The following NFS1 variants were observed in gnomAD, a reference collection of about 807,000 sequenced individuals.
The protein encoded by NFS1 is NFS1 cysteine desulfurase.
In NFS1, 26 loss-of-function variants were observed where a neutral mutation model predicts 57.3. That is an observed-to-expected ratio of 0.45 (90% CI 0.33 to 0.63). The LOEUF (loss-of-function observed/expected upper bound fraction) is 0.63, where lower values mean the gene tolerates loss of function less well. NFS1 is among the 20% of genes least tolerant of loss of function. The probability of loss-of-function intolerance (pLI) is 0.02; values close to 1 mark genes in which losing one functional copy is unlikely to be tolerated. For missense variants in NFS1, 505 were observed against 605.8 expected (o/e 0.83, Z 1.75); for synonymous variants, 209 against 216.3 (o/e 0.97, Z 0.30).
chr20:35,692,527 TAAAAAAAAAAAAAA>T (rs61052129), intron 4 of NFS1, among the ~76,000 whole-genome samples: 93 of 42,736 alleles, frequency 2.2e-3, no homozygotes, highest in African/African-American at 6.2e-3. Flanking sequence ...TCATCTATAC[TAAAAAAAAAAAAAA>T]AAAAAAAAAA....
chr20:35,669,817 C>A (rs924566111), intron 12 of NFS1, 132 bp from the exon 13 acceptor site: 18 of 776,178 alleles, frequency 2.3e-5, no homozygotes, highest in Middle Eastern at 3.5e-4. Context: ...CTGGTAGACC[C>A]TAACACAGGT....
rs1273951146 is a variant in NFS1, at chr20:35,669,662, T to G, written c.1334A>C (p.Asp445Ala). The G allele has an allele frequency of 6.2e-7, 1 of 1,614,134 alleles. No individual in the cohort carries two copies. Among genetic ancestry groups the G allele is most frequent in the Non-Finnish European group, 8.5e-7 (1 of 1,180,016 alleles). ...EMSPLWEMVQ[D>A]GIDLKSIKWT... The stretch of plus-strand genomic sequence containing the variant: ...CTTGATGCTCTTGAGGTCAATGCCA[T>G]CCTGAACCATCTCCCAGAGAGGGCT... Residue 445 changes from aspartate (D) to alanine (A), a missense_variant, in exon 13 of 13, where the codon GAT becomes GCT. Transcript: ENST00000374092.
At position 35,681,701 on chromosome 20, in the gene NFS1, GA is replaced by G. The variant is rs957069910; in HGVS notation, c.655+186del. On this transcript the variant is annotated intron_variant, in intron 6 of 12. Coordinates refer to ENST00000374092, the MANE Select transcript of NFS1 (RefSeq NM_021100.5). Reference sequence around the variant, plus strand: ...TGACAGAGTGATACTCTGTCTCAATGAAAAAAAAAATGGTAATAGACCTGGA... The same window carrying G: ...TGACAGAGTGATACTCTGTCTCAATGAAAAAAAAATGGTAATAGACCTGGA... 4.7e-5 allele frequency among the ~76,000 whole-genome samples: 7 copies of G among 148,116 alleles called. No individual in the cohort carries two copies. In the East Asian group the frequency reaches 9.8e-4, roughly 21 times the overall value.
At chr20:35,690,684 T>C in intron 4 of NFS1, 119 bp from the exon 5 acceptor site, 2 of 942,880 alleles carry the variant, frequency 2.1e-6, no homozygotes, top group South Asian at 1.5e-5. Context: ...AGTTCTCTCA[T>C]ACCAACTGAG....
At chr20:35,689,824 G>C (rs942021876) in intron 5 of NFS1, among the ~76,000 whole-genome samples, 1 of 149,384 alleles carries the variant, frequency 6.7e-6, no homozygotes, top group African/African-American at 2.5e-5. Context: ...TGTAGTCCCA[G>C]CTACTCAGGA....
chr20:35,671,135 G>C (rs1374818262), intron 12 of NFS1, among the ~76,000 whole-genome samples: 1 of 152,148 alleles, frequency 6.6e-6, no homozygotes, highest in East Asian at 1.9e-4. Context: ...ACAGAGTCTT[G>C]CTCTGTCGCC....
rs185098949 is a variant in NFS1 at position 35,687,681 on chromosome 20, C to T, written c.561+2732G>A. ...TTGTGTCTTTATTTCTACGCTCTCT[C>T]GTCTCTGCACATGGGGAGAAAACCC... On this transcript the variant is annotated intron_variant, in intron 5 of 12. Transcript: ENST00000374092. Among the ~76,000 whole-genome samples the T allele has an allele frequency of 4.6e-5, 7 of 152,310 alleles. No individual in the cohort carries two copies. In the East Asian group the frequency reaches 9.6e-4, roughly 21 times the overall value.
chr20:35,680,196 T>G (rs1274676240), intron 7 of NFS1, among the ~76,000 whole-genome samples: 2 of 151,970 alleles, frequency 1.3e-5, no homozygotes, highest in Non-Finnish European at 2.9e-5. Flanking sequence ...TCCCAGCTAC[T>G]CGGCAGGCTG....
rs376502443 is a variant in NFS1 at position 35,686,123 on chromosome 20, G to C, written c.562-4142C>G. ...TTTTGTATTTTTTAGTAGAGACGGGGTTTCACCATGTTGGCCAGGCTGGTC... is the reference window on the plus strand; with the variant it reads ...TTTTGTATTTTTTAGTAGAGACGGGCTTTCACCATGTTGGCCAGGCTGGTC... On this transcript the variant is annotated intron_variant, in intron 5 of 12. Coordinates refer to ENST00000374092, the MANE Select transcript of NFS1 (RefSeq NM_021100.5). Among the ~76,000 whole-genome samples the C allele has an allele frequency of 8.6e-5, 13 of 151,208 alleles. No homozygotes were observed. In the East Asian group the frequency reaches 2.4e-3, roughly 28 times the overall value.
intron 5 of NFS1, among the ~76,000 whole-genome samples, chr20:35,688,728 GGAGA>G (rs1184678300): frequency 9.3e-5 from 14 of 149,928 alleles, no homozygotes; most frequent in Admixed American, 5.3e-4. Flanking sequence ...AAAGACAGAG[GGAGA>G]GAGAGAGAGA....
At chr20:35,696,289 G>A (rs569359640) in intron 4 of NFS1, 88 bp downstream of exon 4, 42 of 886,998 alleles carry the variant, frequency 4.7e-5, no homozygotes, top group Middle Eastern at 4.3e-4. Context: ...GGATGGCTGC[G>A]AAATACATAT....
intron 7 of NFS1, chr20:35,675,960 CAA>C (rs1568957145): frequency 1.3e-5 from 2 of 150,402 alleles, no homozygotes; most frequent in African/African-American, 4.9e-5. Context: ...TGGTGAAATC[CAA>C]AAAAAAGTCT....
At position 35,680,634 on chromosome 20, in the gene NFS1, A is replaced by G. The variant is rs1372586492; in HGVS notation, c.790+103T>C. The G allele has an allele frequency of 7.6e-6, 8 of 1,052,652 alleles. No homozygotes were observed. The East Asian group carries it at 2.3e-4, about 31-fold the overall frequency. 65.2% of individuals were successfully genotyped at this position (1,052,652 alleles called of 1,614,324 possible). A position where few individuals can be genotyped will look rare whatever the true frequency, so the allele number is the denominator to read the frequency against. On this transcript the variant is annotated intron_variant, in intron 7 of 12. Transcript: ENST00000374092. ...TTCTACAAGGGACTCTGAATGTACAACTTCCTCTGAGAGCAACAGTAGTCC... is the reference window on the plus strand; with the variant it reads ...TTCTACAAGGGACTCTGAATGTACAGCTTCCTCTGAGAGCAACAGTAGTCC...
chr20:35,673,833 T>G, intron 10 of NFS1, 149 bp from the exon 11 acceptor site: 1 of 593,684 alleles, frequency 1.7e-6, no homozygotes, highest in Non-Finnish European at 3.0e-6. Context: ...CTAAAGGACC[T>G]GATGCTCCCC....
intron 5 of NFS1, 47 bp downstream of exon 5, chr20:35,690,366 A>G: frequency 6.3e-7 from 1 of 1,590,140 alleles, no homozygotes; most frequent in Non-Finnish European, 8.6e-7. Flanking sequence ...TACAAGCTGA[A>G]GCCAGGCTCC....
chr20:35,683,476 C>T (rs376666997), intron 5 of NFS1, among the ~76,000 whole-genome samples: 6 of 145,000 alleles, frequency 4.1e-5, no homozygotes, highest in East Asian at 4.2e-4. Flanking sequence ...AGTGAGACTC[C>T]GTCTCAAAAA....
intron 4 of NFS1, among the ~76,000 whole-genome samples, chr20:35,694,232 C>A (rs2035092469): frequency 6.6e-6 from 1 of 151,664 alleles, no homozygotes; most frequent in African/African-American, 2.4e-5. Flanking sequence ...GCAACCTCTG[C>A]CTCCTGGGTT....
chr20:35,690,624 C>T, intron 4 of NFS1, 59 bp from the exon 5 acceptor site: 1 of 1,571,856 alleles, frequency 6.4e-7, no homozygotes, highest in African/African-American at 1.4e-5. Context: ...GCAATGACTT[C>T]AATCTCATTT....
chr20:35,687,899 AC>A, intron 5 of NFS1, among the ~76,000 whole-genome samples: 1 of 152,274 alleles, frequency 6.6e-6, no homozygotes, highest in South Asian at 2.1e-4. Flanking sequence ...GGAGTTCACC[AC>A]CAGCCTGGAG....
Sources: allele counts gnomAD v4.1 joint callset (sites outside exome capture counted in the v4.1 genomes callset), GRCh38; gene constraint gnomAD v4.1.1; transcripts MANE v1.5; gene names NCBI Gene and HGNC (gene_info 2026-07-23, HGNC 2026-07-21).